Variants in ABHD13 observed in about 807,000 individuals in gnomAD.
ABHD13 encodes protein ABHD13.
Under a neutral mutation model 25.2 loss-of-function variants are expected in ABHD13, and 7 were observed. The observed-to-expected ratio is 0.28, with a 90% CI of 0.16 to 0.52. The LOEUF (loss-of-function observed/expected upper bound fraction) is 0.52. Ranked by LOEUF, ABHD13 falls within the 20% of genes least tolerant of loss-of-function variation. The probability of loss-of-function intolerance (pLI) is 0.96; values close to 1 mark genes in which losing one functional copy is unlikely to be tolerated. For synonymous variants in ABHD13, 133 were observed against 136.1 expected (o/e 0.98, Z 0.16); for missense variants, 302 against 402.7 (o/e 0.75, Z 2.14).
intron 1 of ABHD13, among the ~76,000 whole-genome samples, chr13:108,220,280 C>T: frequency 6.6e-6 from 1 of 152,326 alleles, no homozygotes; most frequent in Middle Eastern, 3.4e-3. Flanking sequence ...GCACACTGCC[C>T]TCTTCTTGGG....
rs1879805533 is a variant in ABHD13 at position 108,231,586 on chromosome 13, T to C, written c.*1354T>C. 1.2e-5 allele frequency: 2 copies of C among 166,814 alleles called. No homozygotes were observed. Among genetic ancestry groups the C allele is most frequent in the South Asian group, 2.1e-4 (1 of 4,838 alleles). The allele number at this position is 166,814 out of a possible 1,614,324, so 10.3% of individuals were successfully genotyped here. On this transcript the variant is annotated 3_prime_UTR_variant, in exon 2 of 2. Coordinates refer to ENST00000375898, the MANE Select transcript of ABHD13 (RefSeq NM_032859.3). Reference sequence around the variant, plus strand: ...TAAAAATACACGCTATGAGTCATAATTGTGCCAAGTTGTTTCATGCAGTCC... The same window carrying C: ...TAAAAATACACGCTATGAGTCATAACTGTGCCAAGTTGTTTCATGCAGTCC...
chr13:108,218,950 G>A (rs958107447), intron 1 of ABHD13, among the ~76,000 whole-genome samples: 3 of 152,146 alleles, frequency 2.0e-5, no homozygotes, highest in Admixed American at 6.5e-5. Context: ...AAACTAAGGT[G>A]CGCGCATTGC....
chr13:108,230,281 TAAAG>T lies in ABHD13; in HGVS notation c.*52_*55del. 1.4e-6 allele frequency: 2 copies of T among 1,424,688 alleles called. No homozygotes were observed. Among genetic ancestry groups the T allele is most frequent in the South Asian group, 1.4e-5 (1 of 69,606 alleles). 88.3% of individuals were successfully genotyped at this position (1,424,688 alleles called of 1,614,324 possible). A position where few individuals can be genotyped will look rare whatever the true frequency, so the allele number is the denominator to read the frequency against. The stretch of plus-strand genomic sequence containing the variant: ...TTGTATTTTAATTTGTGCAGAATGA[TAAAG>T]AATGTTCCTTTTAGAAGTGTGTTAT... On this transcript the variant is annotated 3_prime_UTR_variant, in exon 2 of 2. Transcript: ENST00000375898.
rs200881298 is a variant in ABHD13, at chr13:108,230,112, C to T, written c.894C>T (p.His298=). 2.5e-5 allele frequency: 40 copies of T among 1,613,174 alleles called. No homozygotes were observed. The Admixed American group carries it at 6.7e-4, about 27-fold the overall frequency. The change falls in exon 2 of 2, where the codon CAC becomes CAT. Residue 298 remains histidine (H), a synonymous_variant. Coordinates refer to ENST00000375898, the MANE Select transcript of ABHD13 (RefSeq NM_032859.3). ...TAGCCATTTTTCCAGATGGGACTCACAATGACACATGGCAGTGCCAAGGCT... is the reference window on the plus strand; with the variant it reads ...TAGCCATTTTTCCAGATGGGACTCATAATGACACATGGCAGTGCCAAGGCT... ...KRLAIFPDGT[H]NDTWQCQGYF... is the part of the protein sequence containing the mutation.
rs1055109627 is a variant in ABHD13, at chr13:108,232,827, C to T, written c.*2595C>T. The T allele has an allele frequency of 6.0e-6, 1 of 166,308 alleles. No individual in the cohort carries two copies. Among genetic ancestry groups the T allele is most frequent in the East Asian group, 1.9e-4 (1 of 5,176 alleles). The allele number at this position is 166,308 out of a possible 1,614,324, so 10.3% of individuals were successfully genotyped here. A position where few individuals can be genotyped will look rare whatever the true frequency, so the allele number is the denominator to read the frequency against. On this transcript the variant is annotated 3_prime_UTR_variant, in exon 2 of 2. Coordinates refer to ENST00000375898, the MANE Select transcript of ABHD13 (RefSeq NM_032859.3). Reference sequence around the variant, plus strand: ...GGTGAAAAAGAAATATAAAAAGGACCCTAAAAAGAATTCTGCAAAATAAGA... The same window carrying T: ...GGTGAAAAAGAAATATAAAAAGGACTCTAAAAAGAATTCTGCAAAATAAGA...
chr13:108,219,697 C>CTT (rs1279513762), intron 1 of ABHD13, among the ~76,000 whole-genome samples: 1 of 152,216 alleles, frequency 6.6e-6, no homozygotes, highest in Non-Finnish European at 1.5e-5. Flanking sequence ...GACGAGGTCT[C>CTT]TGTCATCGAG....
intron 1 of ABHD13, among the ~76,000 whole-genome samples, chr13:108,225,113 T>G (rs1303348602): frequency 6.6e-6 from 1 of 152,222 alleles, no homozygotes; most frequent in Non-Finnish European, 1.5e-5. Flanking sequence ...ACTTAAATCT[T>G]AGCTACATAT....
At chr13:108,228,507 A>C (rs1183596651) in intron 1 of ABHD13, among the ~76,000 whole-genome samples, 1 of 152,006 alleles carries the variant, frequency 6.6e-6, no homozygotes, top group East Asian at 1.9e-4. Flanking sequence ...ACAATATTAG[A>C]ATCTAGTGTT....
At chr13:108,220,720 C>T (rs561482204) in intron 1 of ABHD13, among the ~76,000 whole-genome samples, 1 of 152,170 alleles carries the variant, frequency 6.6e-6, no homozygotes, top group Non-Finnish European at 1.5e-5. Flanking sequence ...GGACTACATG[C>T]ATTTATGAGC....
At position 108,233,707 on chromosome 13, in the gene ABHD13, A is replaced by G; in HGVS notation, c.*3475A>G. On this transcript the variant is annotated 3_prime_UTR_variant, in exon 2 of 2. Coordinates refer to ENST00000375898, the MANE Select transcript of ABHD13 (RefSeq NM_032859.3). ...CTTCTGTTTATTCTTAATACTATAT[A>G]TATATATACACACATAGTTTTAGCA... The G allele has an allele frequency of 6.0e-6, 1 of 166,260 alleles. No individual in the cohort carries two copies. Among genetic ancestry groups the G allele is most frequent in the Non-Finnish European group, 1.5e-5 (1 of 67,910 alleles). 10.3% of individuals were successfully genotyped at this position (166,260 alleles called of 1,614,324 possible). A position where few individuals can be genotyped will look rare whatever the true frequency, so the allele number is the denominator to read the frequency against.
In ABHD13 at chr13:108,233,307, G is replaced by T. The variant is rs1158429792; in HGVS notation, c.*3075G>T. ...GGAATAGGTGTGGAGAAATTAAAGA[G>T]TGAAGGCCATATTTCATTTTTTATA... On this transcript the variant is annotated 3_prime_UTR_variant, in exon 2 of 2. Coordinates refer to ENST00000375898, the MANE Select transcript of ABHD13 (RefSeq NM_032859.3). The T allele has an allele frequency of 6.0e-6, 1 of 166,760 alleles. No homozygotes were observed. Among genetic ancestry groups the T allele is most frequent in the African/African-American group, 2.4e-5 (1 of 41,432 alleles). The allele number at this position is 166,760 out of a possible 1,614,324, so 10.3% of individuals were successfully genotyped here.
In ABHD13 at chr13:108,233,741, A is replaced by G. The variant is rs1350663928; in HGVS notation, c.*3509A>G. 1.2e-5 allele frequency: 2 copies of G among 166,816 alleles called. No individual in the cohort carries two copies. Among genetic ancestry groups the G allele is most frequent in the African/African-American group, 2.4e-5 (1 of 41,424 alleles). The allele number at this position is 166,816 out of a possible 1,614,324, so 10.3% of individuals were successfully genotyped here. A position where few individuals can be genotyped will look rare whatever the true frequency, so the allele number is the denominator to read the frequency against. On this transcript the variant is annotated 3_prime_UTR_variant, in exon 2 of 2. Transcript: ENST00000375898. Reference sequence around the variant, plus strand: ...CACACATAGTTTTAGCAAATTGGAAATAATATATTCATTTGTATGGCAAGA... The same window carrying G: ...CACACATAGTTTTAGCAAATTGGAAGTAATATATTCATTTGTATGGCAAGA...
In ABHD13 at chr13:108,233,696, TAATAC is replaced by T. The variant is rs1335621844; in HGVS notation, c.*3465_*3469del. 1 of 166,330 alleles carries T rather than the reference TAATAC, an allele frequency of 6.0e-6. No individual in the cohort carries two copies. The highest frequency in any genetic ancestry group is 1.5e-5 in the Non-Finnish European group (1 of 67,920). The allele number at this position is 166,330 out of a possible 1,614,324, so 10.3% of individuals were successfully genotyped here. On this transcript the variant is annotated 3_prime_UTR_variant, in exon 2 of 2. Transcript: ENST00000375898. ...AATGAAATGTACTTCTGTTTATTCT[TAATAC>T]TATATATATATATACACACATAGTT...
intron 1 of ABHD13, among the ~76,000 whole-genome samples, chr13:108,228,132 A>G (rs1421904100): frequency 6.6e-6 from 1 of 152,038 alleles, no homozygotes; most frequent in Admixed American, 6.6e-5. Flanking sequence ...ACATATCTCA[A>G]TTCTTTTGCC....
rs1413334994 is a variant in ABHD13 at position 108,218,410 on chromosome 13, A to G, written c.-270A>G. The G allele has an allele frequency of 1.3e-5, 2 of 152,040 alleles. No homozygotes were observed. The highest frequency in any genetic ancestry group is 4.8e-5 in the African/African-American group (2 of 41,418). 9.4% of individuals were successfully genotyped at this position (152,040 alleles called of 1,614,324 possible). A position where few individuals can be genotyped will look rare whatever the true frequency, so the allele number is the denominator to read the frequency against. ...GCTCGGAAGAGCGGGCAGGGTTCCC[A>G]CTCCGGGAGCGGAGACGGAGAACAG... On this transcript the variant is annotated 5_prime_UTR_variant, in exon 1 of 2. Transcript: ENST00000375898.
rs1022371210 is a variant in ABHD13, at chr13:108,232,537, T to C, written c.*2305T>C. 4 of 166,926 alleles carry C rather than the reference T, an allele frequency of 2.4e-5. No homozygotes were observed. Among genetic ancestry groups the C allele is most frequent in the African/African-American group, 9.7e-5 (4 of 41,438 alleles). 10.3% of individuals were successfully genotyped at this position (166,926 alleles called of 1,614,324 possible). The stretch of plus-strand genomic sequence containing the variant: ...GTTTTGTAGCCAAAGCAATTGGTTT[T>C]AGTAAAATGAGACTTCTTCAGGAGT... On this transcript the variant is annotated 3_prime_UTR_variant, in exon 2 of 2. Transcript: ENST00000375898.
chr13:108,219,457 C>T (rs980467182), intron 1 of ABHD13, among the ~76,000 whole-genome samples: 1 of 152,140 alleles, frequency 6.6e-6, no homozygotes, highest in Middle Eastern at 3.4e-3. Flanking sequence ...TCTCTTTTGA[C>T]GGGAGGGGGT....
At position 108,229,056 on chromosome 13, in the gene ABHD13, T is replaced by C. The variant is rs1879734527; in HGVS notation, c.-20-143T>C. On this transcript the variant is annotated intron_variant, in intron 1 of 1. Coordinates refer to ENST00000375898, the MANE Select transcript of ABHD13 (RefSeq NM_032859.3). This position sits in a 1 kb window ranked among gnomAD's most constrained non-coding sequence, Gnocchi z 4.7. ...AGAACAGAAAGGACAAGGGAAATTA[T>C]AGCAGCTACTTTTGTGGATGGACTG... 4 of 523,330 alleles carry C rather than the reference T, an allele frequency of 7.6e-6. No individual in the cohort carries two copies. Among genetic ancestry groups the C allele is most frequent in the Non-Finnish European group, 1.3e-5 (4 of 313,932 alleles). 32.4% of individuals were successfully genotyped at this position (523,330 alleles called of 1,614,324 possible).
chr13:108,221,624 T>C (rs2139008824), intron 1 of ABHD13, among the ~76,000 whole-genome samples: 1 of 152,296 alleles, frequency 6.6e-6, no homozygotes, highest in Admixed American at 6.5e-5. Context: ...CCCAAAATTA[T>C]CAATCTAGGA....
Sources: allele counts gnomAD v4.1 joint callset (sites outside exome capture counted in the v4.1 genomes callset), GRCh38; gene constraint gnomAD v4.1.1; non-coding constraint Gnocchi (gnomAD v3.1); transcripts MANE v1.5; gene names NCBI Gene and HGNC (gene_info 2026-07-23, HGNC 2026-07-21).